PELI2: variants seen among roughly 807,000 people sequenced by gnomAD.
PELI2 encodes the protein E3 ubiquitin-protein ligase pellino homolog 2.
Under a neutral mutation model 42.3 loss-of-function variants are expected in PELI2, and 23 were observed. The observed-to-expected ratio is 0.54, with a 90% CI of 0.39 to 0.77. PELI2 has a LOEUF of 0.77. Among genes scored for constraint, PELI2 ranks in the 30% least tolerant of loss-of-function variants. The probability of loss-of-function intolerance (pLI) is 0.00; values close to 1 mark genes in which losing one functional copy is unlikely to be tolerated. For synonymous variants in PELI2, 245 were observed against 212.2 expected, an observed-to-expected ratio of 1.15 and a Z score of -1.34; for missense variants, 463 against 553.2, an observed-to-expected ratio of 0.84 and a Z score of 1.64.
At chr14:56,165,067 T>C (rs1451444515) in intron 1 of PELI2, among the ~76,000 whole-genome samples, 1 of 126,092 alleles carries the variant, frequency 7.9e-6, no homozygotes, top group Non-Finnish European at 1.8e-5. Flanking sequence ...CTTCTACTAA[T>C]TTTGGGTTTG....
At chr14:56,280,390 G>GA (rs373145642) in intron 3 of PELI2, among the ~76,000 whole-genome samples, 2 of 151,138 alleles carry the variant, frequency 1.3e-5, no homozygotes, top group African/African-American at 2.4e-5. Context: ...CAGAAGGAAG[G>GA]AAAAAAACAT....
chr14:56,293,110 G>T (rs76415811), intron 5 of PELI2, among the ~76,000 whole-genome samples: 1 of 152,138 alleles, frequency 6.6e-6, no homozygotes, highest in Non-Finnish European at 1.5e-5. Context: ...AGTCAGTGTT[G>T]TTATTGTGTC....
chr14:56,179,580 G>A (rs1464986864), intron 2 of PELI2, among the ~76,000 whole-genome samples: 1 of 152,094 alleles, frequency 6.6e-6, no homozygotes, highest in East Asian at 1.9e-4. Flanking sequence ...ATAAGCCAAA[G>A]CTAGAAAAAG....
intron 2 of PELI2, among the ~76,000 whole-genome samples, chr14:56,231,209 A>G (rs183036581): frequency 8.4e-4 from 128 of 152,314 alleles, no homozygotes; most frequent in African/African-American, 2.9e-3. Flanking sequence ...CGAGACAGAA[A>G]GTTAACAAGG....
intron 1 of PELI2, among the ~76,000 whole-genome samples, chr14:56,165,053 A>G (rs763378198): frequency 8.0e-5 from 11 of 136,804 alleles, no homozygotes; most frequent in African/African-American, 1.3e-4. Context: ...GATCTTTATT[A>G]TTTCTTCTAC....
chr14:56,237,104 C>G (rs1431099705), intron 2 of PELI2, among the ~76,000 whole-genome samples: 1 of 152,140 alleles, frequency 6.6e-6, no homozygotes, highest in Non-Finnish European at 1.5e-5. Context: ...GAGATTCCTG[C>G]CCTTACTTAA....
intron 2 of PELI2, among the ~76,000 whole-genome samples, chr14:56,213,770 A>T (rs1234229923): frequency 1.3e-5 from 2 of 152,126 alleles, no homozygotes; most frequent in African/African-American, 4.8e-5. Context: ...AAGATTATTT[A>T]TTTAGTTGGA....
At chr14:56,274,055 C>A (rs1174990317) in intron 2 of PELI2, among the ~76,000 whole-genome samples, 2 of 152,128 alleles carry the variant, frequency 1.3e-5, no homozygotes, top group African/African-American at 4.8e-5. Flanking sequence ...GTCTCTCATC[C>A]CCAGGAGCTC....
chr14:56,262,022 G>T (rs1208575204), intron 2 of PELI2, among the ~76,000 whole-genome samples: 1 of 152,124 alleles, frequency 6.6e-6, no homozygotes, highest in Non-Finnish European at 1.5e-5. Flanking sequence ...ATGTCTTTAG[G>T]GTTTACCATT....
At chr14:56,290,800 C>T (rs1270469890) in intron 5 of PELI2, among the ~76,000 whole-genome samples, 1 of 152,066 alleles carries the variant, frequency 6.6e-6, no homozygotes, top group East Asian at 1.9e-4. Flanking sequence ...ATTTGGAAAA[C>T]GTTTGAGCAG....
At chr14:56,208,497 A>G (rs568148994) in intron 2 of PELI2, among the ~76,000 whole-genome samples, 1 of 152,210 alleles carries the variant, frequency 6.6e-6, no homozygotes, top group African/African-American at 2.4e-5. Flanking sequence ...TGACATTTGC[A>G]CTAATGATGC....
At chr14:56,125,386 G>A (rs1185009995) in intron 1 of PELI2, among the ~76,000 whole-genome samples, 1 of 140,130 alleles carries the variant, frequency 7.1e-6, no homozygotes, top group Admixed American at 7.2e-5. Flanking sequence ...ACTAAAGCAG[G>A]ATAAGGAGGA....
intron 2 of PELI2, among the ~76,000 whole-genome samples, chr14:56,203,418 T>A (rs148845905): frequency 6.6e-6 from 1 of 152,252 alleles, no homozygotes; most frequent in East Asian, 1.9e-4. Flanking sequence ...TTTTTGCAAA[T>A]ATACATATCT....
At chr14:56,230,286 G>C (rs1887509441) in intron 2 of PELI2, among the ~76,000 whole-genome samples, 1 of 152,090 alleles carries the variant, frequency 6.6e-6, no homozygotes, top group Non-Finnish European at 1.5e-5. Context: ...GCAACTCCAA[G>C]ACACATGATT....
intron 2 of PELI2, among the ~76,000 whole-genome samples, chr14:56,220,107 T>G (rs558251977): frequency 6.6e-6 from 1 of 152,350 alleles, no homozygotes; most frequent in East Asian, 1.9e-4. Context: ...ACCTTGTCCC[T>G]TGCTTCTGTT....
At chr14:56,204,318 C>G (rs1228505591) in intron 2 of PELI2, among the ~76,000 whole-genome samples, 1 of 152,126 alleles carries the variant, frequency 6.6e-6, no homozygotes, top group African/African-American at 2.4e-5. Flanking sequence ...TAGGTGACAG[C>G]TTAGAGCGAT....
chr14:56,191,050 G>A (rs1208880359), intron 2 of PELI2, among the ~76,000 whole-genome samples: 4 of 152,252 alleles, frequency 2.6e-5, no homozygotes, highest in Admixed American at 1.3e-4. Flanking sequence ...GACAGTCCCC[G>A]ATGCCACCCC....
intron 2 of PELI2, among the ~76,000 whole-genome samples, chr14:56,194,995 A>G (rs1177852654): frequency 6.6e-6 from 1 of 152,244 alleles, no homozygotes; most frequent in Non-Finnish European, 1.5e-5. Flanking sequence ...ACCCTAATGA[A>G]TGTGGGATAA....
At chr14:56,145,194 A>C (rs978356749) in intron 1 of PELI2, among the ~76,000 whole-genome samples, 5 of 152,196 alleles carry the variant, frequency 3.3e-5, no homozygotes, top group African/African-American at 1.2e-4. Context: ...CACATGGCAG[A>C]GCAGGAGAGA....
Sources: gnomAD v4.1 joint callset for allele counts (sites outside exome capture counted in the v4.1 genomes callset) on GRCh38, gnomAD v4.1.1 for gene constraint, MANE v1.5 for transcripts, NCBI Gene and HGNC (gene_info 2026-07-23, HGNC 2026-07-21) for gene names.